ZBTB7C: variants seen among roughly 807,000 people sequenced by gnomAD.
ZBTB7C encodes zinc finger and BTB domain-containing protein 7C.
In ZBTB7C, 8 loss-of-function variants were observed where a neutral mutation model predicts 25.7. The ratio of observed to expected loss-of-function variants is 0.31; its 90% CI spans 0.18 to 0.56. ZBTB7C has a LOEUF of 0.56. Among genes scored for constraint, ZBTB7C ranks in the 20% least tolerant of loss-of-function variants. ZBTB7C has a pLI of 0.91. For missense variants in ZBTB7C, 824 were observed against 855.2 expected (o/e 0.96, Z 0.46); for synonymous variants, 394 against 369.0 (o/e 1.07, Z -0.78).
rs191312029 is a variant in ZBTB7C, at chr18:48,184,900, C to T, written c.-17+1034G>A. On this transcript the variant is annotated intron_variant, in intron 3 of 4. Transcript: ENST00000590800. ...AAGGGAGTATCTCCAATGCAGATTTCCTATAATCTACTCAGTGTATAGACT... is the reference window on the plus strand; with the variant it reads ...AAGGGAGTATCTCCAATGCAGATTTTCTATAATCTACTCAGTGTATAGACT... Among the ~76,000 whole-genome samples, 184 of 152,152 alleles carry T rather than the reference C, an allele frequency of 1.2e-3. 1 individual carries two copies. The highest frequency in any genetic ancestry group is 4.3e-3 in the African/African-American group (179 of 41,518).
Position 48,041,597 on chromosome 18 carries a change from C to CT in ZBTB7C, c.-16-475dup, listed in dbSNP as rs143017833. 6.6e-3 allele frequency: 6,346 copies of CT among 967,848 alleles called. 348 individuals carry two copies. In the African/African-American group the frequency reaches 0.1, roughly 16 times the overall value. The allele number at this position is 967,848 out of a possible 1,614,324, so 60.0% of individuals were successfully genotyped here. On this transcript the variant is annotated intron_variant, in intron 3 of 4. Coordinates refer to ENST00000590800, the MANE Select transcript of ZBTB7C (RefSeq NM_001318841.2). ...CCTCTGATTCTGTAACAGACTTACA[C>CT]TTTGCACTGGCTACTAGGAAGCTTA...
chr18:48,248,397 T>G (rs935856458), intron 2 of ZBTB7C, among the ~76,000 whole-genome samples: 4 of 152,174 alleles, frequency 2.6e-5, no homozygotes, highest in African/African-American at 9.7e-5. Context: ...TCAGGGCCTT[T>G]GCACTTTCTG....
upstream of ZBTB7C, among the ~76,000 whole-genome samples, chr18:48,409,816 C>A (rs1220387232): frequency 6.6e-6 from 1 of 151,716 alleles, no homozygotes; most frequent in Non-Finnish European, 1.5e-5. Flanking sequence ...TTCTCTCTGC[C>A]TCCTCCAGGA....
At chr18:48,322,612 G>T (rs369961961) in intron 2 of ZBTB7C, among the ~76,000 whole-genome samples, 1 of 152,162 alleles carries the variant, frequency 6.6e-6, no homozygotes, top group Non-Finnish European at 1.5e-5. Flanking sequence ...GTAAACTAGC[G>T]CAACCACTGT....
Position 48,028,036 on chromosome 18 carries a change from G to A in ZBTB7C, c.*1224C>T, listed in dbSNP as rs2035581564. On this transcript the variant is annotated 3_prime_UTR_variant, in exon 5 of 5. Transcript: ENST00000590800. ...ACTTCATCCCCAGAGGGAGGAGGAA[G>A]GGGTTGAGGGGGTTCTCACACAGCA... The A allele has an allele frequency of 6.6e-6, 1 of 152,250 alleles. No homozygotes were observed. The highest frequency in any genetic ancestry group is 2.4e-5 in the African/African-American group (1 of 41,452). 9.4% of individuals were successfully genotyped at this position (152,250 alleles called of 1,614,324 possible). A position where few individuals can be genotyped will look rare whatever the true frequency, so the allele number is the denominator to read the frequency against.
At chr18:48,365,000 C>A (rs2145122410) in intron 1 of ZBTB7C, among the ~76,000 whole-genome samples, 1 of 152,292 alleles carries the variant, frequency 6.6e-6, no homozygotes, top group African/African-American at 2.4e-5. Context: ...GCATTCTCAA[C>A]AAGTTCCCAT....
intron 1 of ZBTB7C, chr18:48,364,350 G>A (rs1001896498): frequency 4.6e-5 from 7 of 152,354 alleles, no homozygotes; most frequent in African/African-American, 1.7e-4. Context: ...AAGAAGGGCT[G>A]GTTCACCCAT....
intron 2 of ZBTB7C, among the ~76,000 whole-genome samples, chr18:48,193,280 G>A (rs1486486731): frequency 6.6e-6 from 1 of 152,030 alleles, no homozygotes; most frequent in Non-Finnish European, 1.5e-5. Context: ...ATACACCCCG[G>A]GCCAGGCACA....
intron 3 of ZBTB7C, chr18:48,137,438 A>T (rs2040209990): frequency 2.1e-6 from 1 of 471,118 alleles, no homozygotes; most frequent in Admixed American, 6.4e-5. Flanking sequence ...CTTCTCTAGT[A>T]CTTCACAAAA....
At chr18:48,193,567 C>T (rs1347102166) in intron 2 of ZBTB7C, among the ~76,000 whole-genome samples, 1 of 152,180 alleles carries the variant, frequency 6.6e-6, no homozygotes, top group African/African-American at 2.4e-5. Context: ...AAGGAACACG[C>T]CATAGGAGAA....
At chr18:48,261,547 ATGT>A (rs2044172018) in intron 2 of ZBTB7C, among the ~76,000 whole-genome samples, 1 of 152,204 alleles carries the variant, frequency 6.6e-6, no homozygotes, top group African/African-American at 2.4e-5. Flanking sequence ...TCATAGGATG[ATGT>A]TGTGCAAAAT....
At chr18:48,187,273 T>C (rs79500226) in intron 2 of ZBTB7C, among the ~76,000 whole-genome samples, 11,755 of 152,278 alleles carry the variant, frequency 0.077, 718 homozygotes, top group Admixed American at 0.2. Context: ...TTCATCAGCA[T>C]TGTTCACAAT....
At chr18:48,383,564 G>A (rs1022881234) in intron 1 of ZBTB7C, among the ~76,000 whole-genome samples, 2 of 152,156 alleles carry the variant, frequency 1.3e-5, no homozygotes, top group Non-Finnish European at 2.9e-5. Flanking sequence ...TACCGTGCCT[G>A]GCCAAGTGCA....
intron 2 of ZBTB7C, among the ~76,000 whole-genome samples, chr18:48,198,552 C>T (rs577235894): frequency 1.3e-5 from 2 of 152,322 alleles, no homozygotes; most frequent in Admixed American, 6.5e-5. Context: ...GAGGCCACCA[C>T]ATTCCATGGC....
chr18:48,365,468 G>A (rs1598964237), intron 1 of ZBTB7C, among the ~76,000 whole-genome samples: 1 of 152,190 alleles, frequency 6.6e-6, no homozygotes, highest in Admixed American at 6.5e-5. Context: ...CTAGTAGAGT[G>A]GCACTACAGA....
chr18:48,152,839 C>G (rs141395751), intron 3 of ZBTB7C, among the ~76,000 whole-genome samples: 4 of 152,212 alleles, frequency 2.6e-5, no homozygotes, highest in Non-Finnish European at 5.9e-5. Context: ...CTGTGCTAAG[C>G]GCTTTGCAAG....
intron 2 of ZBTB7C, among the ~76,000 whole-genome samples, chr18:48,222,729 T>G (rs755145265): frequency 1.3e-5 from 2 of 152,140 alleles, no homozygotes; most frequent in Non-Finnish European, 2.9e-5. Flanking sequence ...ATGACTGATA[T>G]GAGACCATTA....
At chr18:48,352,252 C>T (rs969322796) in intron 1 of ZBTB7C, among the ~76,000 whole-genome samples, 2 of 152,178 alleles carry the variant, frequency 1.3e-5, no homozygotes, top group Non-Finnish European at 2.9e-5. Context: ...GCTCTTGGCA[C>T]GTGTTTGGAA....
At chr18:48,059,455 T>TCC (rs1326616457) in intron 3 of ZBTB7C, among the ~76,000 whole-genome samples, 1 of 151,900 alleles carries the variant, frequency 6.6e-6, no homozygotes. Flanking sequence ...GCCTGCAACC[T>TCC]CCCCACCTGA....
Sources: allele counts gnomAD v4.1 joint callset (sites outside exome capture counted in the v4.1 genomes callset), GRCh38; gene constraint gnomAD v4.1.1; transcripts MANE v1.5; gene names NCBI Gene and HGNC (gene_info 2026-07-23, HGNC 2026-07-21).